The following ANKFY1 variants were observed in gnomAD, a reference collection of about 807,000 sequenced individuals.
ANKFY1 encodes ankyrin repeat and FYVE domain containing 1, also known as ankyrin repeat and FYVE domain-containing protein 1.
In ANKFY1, 47 loss-of-function variants were observed where a neutral mutation model predicts 128.3. That is an observed-to-expected ratio of 0.37 (90% confidence interval 0.29 to 0.47). ANKFY1 has a LOEUF of 0.47. Among genes scored for constraint, ANKFY1 ranks in the 20% least tolerant of loss-of-function variants. The probability of loss-of-function intolerance (pLI) is 1.00; values close to 1 mark genes in which losing one functional copy is unlikely to be tolerated. For missense variants in ANKFY1, 1,222 were observed against 1,510.6 expected (o/e 0.81, Z 3.17); for synonymous variants, 553 against 601.6 (o/e 0.92, Z 1.18).
intron 24 of ANKFY1, chr17:4,168,983 C>G (rs1291465214): frequency 3.8e-6 from 2 of 530,914 alleles, no homozygotes; most frequent in Non-Finnish European, 6.9e-6. Flanking sequence ...CAGCCTCCAG[C>G]AGGAAAGCCA....
intron 4 of ANKFY1, 81 bp from the exon 5 acceptor site, chr17:4,210,028 C>A: frequency 7.1e-7 from 1 of 1,414,408 alleles, no homozygotes; most frequent in East Asian, 2.4e-5. Context: ...CATCTTTGTA[C>A]TGGCTGGCTA....
At chr17:4,210,677 C>A (rs539382383) in intron 4 of ANKFY1, among the ~76,000 whole-genome samples, 13 of 130,604 alleles carry the variant, frequency 1.0e-4, no homozygotes, top group Non-Finnish European at 1.6e-5. Context: ...CATTGCACTC[C>A]GGCCTGGGCG....
Position 4,179,778 on chromosome 17 carries a change from C to A in ANKFY1, c.2340G>T (p.Trp780Cys), listed in dbSNP as rs1410134169. The change falls in exon 17 of 25, where the codon TGG becomes TGT. Residue 780 changes from tryptophan (W) to cysteine (C), a missense_variant. Coordinates refer to ENST00000341657, the MANE Select transcript of ANKFY1 (RefSeq NM_001330063.2). The stretch of plus-strand genomic sequence containing the variant: ...GACACTGTACTGTCTCTTCCAGCCC[C>A]CAAGAGGCTGCCAAATGCAAAGGGG... ...GQTPLHLAASWGLEETVQCLL... is the reference protein window; with the variant it reads ...GQTPLHLAASCGLEETVQCLL... 1.2e-6 allele frequency: 2 copies of A among 1,614,126 alleles called. No individual in the cohort carries two copies. The highest frequency in any genetic ancestry group is 2.7e-5 in the African/African-American group (2 of 74,930).
rs370131258 is a variant in ANKFY1, at chr17:4,194,968, C to T, written c.1372+10G>A. 37 of 1,614,078 alleles carry T rather than the reference C, an allele frequency of 2.3e-5. No individual in the cohort carries two copies. The highest frequency in any genetic ancestry group is 9.9e-5 in the South Asian group (9 of 91,074). On this transcript the variant is annotated intron_variant, in intron 10 of 24. Transcript: ENST00000341657. ...CCCAGCGTCGCCCCTTCGGGAGGCA[C>T]GTGCTTTACCTGTCGCCGTGTCAGG... is the stretch of plus-strand genomic sequence containing the variant.
Position 4,184,907 on chromosome 17 carries a change from A to G in ANKFY1, c.1610T>C (p.Leu537Ser). 6.2e-7 allele frequency: 1 copy of G among 1,614,104 alleles called. No homozygotes were observed. Among genetic ancestry groups the G allele is most frequent in the East Asian group, 2.2e-5 (1 of 44,882 alleles). Residue 537 changes from leucine to serine, a missense_variant, in exon 12 of 25, where the codon TTG becomes TCG. Coordinates refer to ENST00000341657, the MANE Select transcript of ANKFY1 (RefSeq NM_001330063.2). The part of the protein sequence containing the change: ...LPKEAASLTS[L>S]ADSVHLQTPL... ...CGTCTGCAGATGGACGCTGTCCGCC[A>G]AGCTGGTCAGGGATGCGGCCTCCTT... is the stretch of plus-strand genomic sequence containing the variant.
chr17:4,223,605 G>C, intron 3 of ANKFY1: 1 of 1,340,738 alleles, frequency 7.5e-7, no homozygotes, highest in South Asian at 1.2e-5. Flanking sequence ...GTGATGCTGT[G>C]GGAACTCATG....
chr17:4,206,296 G>A (rs921797951), intron 7 of ANKFY1, 25 bp downstream of exon 7: 2 of 1,593,116 alleles, frequency 1.3e-6, no homozygotes, highest in Non-Finnish European at 8.6e-7. Flanking sequence ...ATTGCCTGCA[G>A]GGAAACATAC....
chr17:4,257,128 C>A (rs1470073878), intron 1 of ANKFY1, among the ~76,000 whole-genome samples: 3 of 152,182 alleles, frequency 2.0e-5, no homozygotes, highest in Non-Finnish European at 2.9e-5. Context: ...TCATCCAGAC[C>A]TAGAACTTGA....
intron 4 of ANKFY1, among the ~76,000 whole-genome samples, chr17:4,212,898 A>C (rs1358947720): frequency 6.8e-6 from 1 of 146,920 alleles, no homozygotes; most frequent in Non-Finnish European, 1.5e-5. Context: ...AGCCTCCAGA[A>C]TAGCTGGGAT....
At chr17:4,173,151 C>T (rs940736463) in intron 21 of ANKFY1, among the ~76,000 whole-genome samples, 4 of 152,234 alleles carry the variant, frequency 2.6e-5, no homozygotes, top group African/African-American at 2.4e-5. Flanking sequence ...CCACTGCGCC[C>T]GGCCAAACCT....
intron 1 of ANKFY1, among the ~76,000 whole-genome samples, chr17:4,252,809 C>T (rs1967908000): frequency 6.6e-6 from 1 of 152,170 alleles, no homozygotes; most frequent in Non-Finnish European, 1.5e-5. Flanking sequence ...AGCTGGTAAA[C>T]AGACACAACT....
chr17:4,178,961 C>T lies in ANKFY1; in HGVS notation c.2494G>A (p.Val832Ile). The T allele has an allele frequency of 6.2e-7, 1 of 1,614,204 alleles. No individual in the cohort carries two copies. Among genetic ancestry groups the T allele is most frequent in the Non-Finnish European group, 8.5e-7 (1 of 1,180,038 alleles). The change falls in exon 18 of 25, where the codon GTA (valine) becomes ATA (isoleucine). Residue 832 changes from valine (V) to isoleucine (I), a missense_variant. By Grantham distance (29) the Val-to-Ile change is conservative. Transcript: ENST00000341657. This position sits in a 1 kb window ranked among gnomAD's most constrained non-coding sequence, Gnocchi z 4.1. ...LVSHPDIHLNVRDRQGLTPFA... is the reference protein window; with the variant it reads ...LVSHPDIHLNIRDRQGLTPFA... ...GGGGTCAGCCCTTGTCTGTCTCGTA[C>T]ATTCAAATGGATATCGGGGTGAGAA...
At chr17:4,187,345 G>A (rs1486971419) in intron 11 of ANKFY1, 1 of 398,558 alleles carries the variant, frequency 2.5e-6, no homozygotes, top group Non-Finnish European at 4.4e-6. Flanking sequence ...GTCATTGCTT[G>A]TCAAGATGAC....
chr17:4,251,933 A>C (rs1200728560), intron 1 of ANKFY1, among the ~76,000 whole-genome samples: 7 of 150,680 alleles, frequency 4.6e-5, no homozygotes, highest in Non-Finnish European at 1.0e-4. Flanking sequence ...ACTAGGGAGG[A>C]TGAGGCAGGG....
At chr17:4,241,794 C>T (rs766040962) in intron 2 of ANKFY1, among the ~76,000 whole-genome samples, 6 of 151,850 alleles carry the variant, frequency 4.0e-5, no homozygotes, top group Non-Finnish European at 8.8e-5. Flanking sequence ...ACGAGAGACA[C>T]AAATCTTGCC....
intron 7 of ANKFY1, among the ~76,000 whole-genome samples, chr17:4,203,750 G>A (rs1441017835): frequency 6.7e-6 from 1 of 148,158 alleles, no homozygotes. Context: ...GGGAGGCAGA[G>A]GTTGCAGTGA....
chr17:4,200,062 G>A (rs2059900222), intron 7 of ANKFY1, among the ~76,000 whole-genome samples: 1 of 108,696 alleles, frequency 9.2e-6, no homozygotes, highest in Non-Finnish European at 2.2e-5. Flanking sequence ...GGGTTTTGGG[G>A]ATTTTTTTTT....
chr17:4,236,098 T>C (rs150887334), intron 2 of ANKFY1, among the ~76,000 whole-genome samples: 1 of 152,364 alleles, frequency 6.6e-6, no homozygotes, highest in East Asian at 1.9e-4. Flanking sequence ...TATTGATAAA[T>C]TCTGGCTTTA....
chr17:4,211,393 C>T (rs776021602), intron 4 of ANKFY1, among the ~76,000 whole-genome samples: 2 of 126,868 alleles, frequency 1.6e-5, no homozygotes, highest in African/African-American at 2.7e-5. Flanking sequence ...CAAGACTCGT[C>T]TCAAAAAAAA....
Sources: gnomAD v4.1 joint callset for allele counts (sites outside exome capture counted in the v4.1 genomes callset) on GRCh38, gnomAD v4.1.1 for gene constraint, Gnocchi (gnomAD v3.1) non-coding constraint, MANE v1.5 for transcripts, NCBI Gene and HGNC (gene_info 2026-07-23, HGNC 2026-07-21) for gene names.